Variants in INSYN2B observed in about 807,000 individuals in gnomAD.
The protein encoded by INSYN2B is protein INSYN2B.
Under a neutral mutation model 41.2 loss-of-function variants are expected in INSYN2B, and 16 were observed. That is an observed-to-expected ratio of 0.39 (90% CI 0.26 to 0.59). The LOEUF is 0.59. Among genes scored for constraint, INSYN2B ranks in the 20% least tolerant of loss-of-function variants. The pLI is 0.57. For missense variants in INSYN2B, 608 were observed against 646.4 expected, an observed-to-expected ratio of 0.94 and a Z score of 0.64; for synonymous variants, 245 against 244.4, an observed-to-expected ratio of 1.00 and a Z score of -0.02.
chr5:169,871,236 G>A (rs1771950004), intron 3 of INSYN2B, among the ~76,000 whole-genome samples: 1 of 152,116 alleles, frequency 6.6e-6, no homozygotes, highest in South Asian at 2.1e-4. Flanking sequence ...CTGATACCTA[G>A]TCCTTTGATT....
At chr5:169,957,651 G>A (rs755948242) in intron 1 of INSYN2B, among the ~76,000 whole-genome samples, 9 of 152,116 alleles carry the variant, frequency 5.9e-5, no homozygotes, top group Non-Finnish European at 7.4e-5. Flanking sequence ...GAGGCAATGC[G>A]CGAGGAAGCC....
chr5:169,865,357 A>G (rs910015495), intron 3 of INSYN2B, among the ~76,000 whole-genome samples: 1 of 152,026 alleles, frequency 6.6e-6, no homozygotes, highest in Admixed American at 6.6e-5. Flanking sequence ...GCCTGTAGGG[A>G]GTGGGTGCTG....
At chr5:169,892,577 A>T (rs561539613) in intron 1 of INSYN2B, among the ~76,000 whole-genome samples, 9 of 152,318 alleles carry the variant, frequency 5.9e-5, no homozygotes, top group Non-Finnish European at 1.3e-4. Flanking sequence ...GGCCTCTCCG[A>T]TGGATGGGCA....
At chr5:169,967,581 T>C (rs1777349935) in intron 1 of INSYN2B, among the ~76,000 whole-genome samples, 1 of 151,990 alleles carries the variant, frequency 6.6e-6, no homozygotes, top group Non-Finnish European at 1.5e-5. Context: ...GCTAAGAGGT[T>C]TGGATTTTGA....
Position 169,955,094 on chromosome 5 carries a change from C to A in INSYN2B, c.-919+25183G>T, listed in dbSNP as rs1420864230. Among the ~76,000 whole-genome samples, 4 of 152,214 alleles carry A rather than the reference C, an allele frequency of 2.6e-5. No homozygotes were observed. The East Asian group carries it at 7.7e-4, about 29-fold the overall frequency. ...CTAAGCACTTTTGTGCCCTCTGAAGCAAGGCAACCCCATAACCTTGCAGAG... is the reference window on the plus strand; with the variant it reads ...CTAAGCACTTTTGTGCCCTCTGAAGAAAGGCAACCCCATAACCTTGCAGAG... On this transcript the variant is annotated intron_variant, in intron 1 of 3. Transcript: ENST00000377365.
chr5:169,878,169 A>G (rs2113487599), intron 3 of INSYN2B, among the ~76,000 whole-genome samples: 1 of 152,290 alleles, frequency 6.6e-6, no homozygotes, highest in East Asian at 1.9e-4. Flanking sequence ...GAGTGAGGGA[A>G]GGAGGAGCAA....
intron 1 of INSYN2B, among the ~76,000 whole-genome samples, chr5:169,954,853 C>T (rs1483727171): frequency 2.6e-5 from 4 of 152,296 alleles, no homozygotes; most frequent in African/African-American, 9.6e-5. Context: ...TGTGTGTAAC[C>T]CAATGACCAA....
intron 1 of INSYN2B, among the ~76,000 whole-genome samples, chr5:169,932,867 A>AG (rs1163411669): frequency 2.6e-5 from 4 of 151,738 alleles, no homozygotes; most frequent in Non-Finnish European, 5.9e-5. Context: ...GGGCCAAATA[A>AG]AAAAAAATAA....
intron 3 of INSYN2B, among the ~76,000 whole-genome samples, chr5:169,869,707 G>A (rs981989148): frequency 6.6e-6 from 1 of 152,218 alleles, no homozygotes; most frequent in African/African-American, 2.4e-5. Context: ...CCAACTTGGT[G>A]AAAATTGAAG....
intron 1 of INSYN2B, among the ~76,000 whole-genome samples, chr5:169,909,786 G>A (rs1224172360): frequency 3.3e-5 from 5 of 152,130 alleles, no homozygotes; most frequent in Non-Finnish European, 7.4e-5. Flanking sequence ...CACTTACAAG[G>A]ATTATTATCA....
chr5:169,929,358 C>T (rs1358592252), intron 1 of INSYN2B, among the ~76,000 whole-genome samples: 7 of 152,078 alleles, frequency 4.6e-5, no homozygotes, highest in Admixed American at 2.6e-4. Context: ...GCTTTTTACA[C>T]GTAGATTTTC....
chr5:169,904,221 T>A (rs1774142640), intron 1 of INSYN2B, among the ~76,000 whole-genome samples: 2 of 152,138 alleles, frequency 1.3e-5, no homozygotes, highest in Non-Finnish European at 2.9e-5. Flanking sequence ...GCCTGATGAT[T>A]TGGTTCCCAA....
In INSYN2B at chr5:169,883,089, G is replaced by T. The variant is rs901991820; in HGVS notation, c.810C>A (p.Gly270=). 1 of 1,551,538 alleles carries T rather than the reference G, an allele frequency of 6.4e-7. No individual in the cohort carries two copies. The highest frequency in any genetic ancestry group is 8.7e-7 in the Non-Finnish European group (1 of 1,146,958). ...GCAATTCAGGTTTAAGTTCCTCTGT[G>T]CCTGGTGTGTGGCTGGCAACGCTGG... ...NATSVASHTP[G]TEELKPELLL... The change falls in exon 2 of 4, where the codon GGC becomes GGA. Residue 270 remains glycine (G), a synonymous_variant. Coordinates refer to ENST00000377365, the MANE Select transcript of INSYN2B (RefSeq NM_001129891.3).
At chr5:169,903,750 C>T (rs1030694103) in intron 1 of INSYN2B, among the ~76,000 whole-genome samples, 12 of 151,690 alleles carry the variant, frequency 7.9e-5, no homozygotes, top group Non-Finnish European at 1.2e-4. Context: ...AGCTCGGTCA[C>T]TGTAGCAGGA....
At chr5:169,909,971 T>G (rs929925769) in intron 1 of INSYN2B, among the ~76,000 whole-genome samples, 2 of 152,214 alleles carry the variant, frequency 1.3e-5, no homozygotes, top group Admixed American at 1.3e-4. Flanking sequence ...ACTCAAATTC[T>G]GCACCAGCAT....
At chr5:169,954,498 A>G (rs1776787086) in intron 1 of INSYN2B, among the ~76,000 whole-genome samples, 1 of 152,232 alleles carries the variant, frequency 6.6e-6, no homozygotes, top group Admixed American at 6.5e-5. Flanking sequence ...GGGACCAGAA[A>G]GACCTCTTGG....
chr5:169,928,996 G>A (rs970774352), intron 1 of INSYN2B, among the ~76,000 whole-genome samples: 1 of 152,138 alleles, frequency 6.6e-6, no homozygotes, highest in African/African-American at 2.4e-5. Context: ...AGGATGAGGA[G>A]GAGCTATGTG....
intron 1 of INSYN2B, among the ~76,000 whole-genome samples, chr5:169,975,802 A>G (rs952767719): frequency 3.3e-5 from 5 of 152,234 alleles, no homozygotes; most frequent in Non-Finnish European, 7.3e-5. Flanking sequence ...GGCTCTTCCC[A>G]ACGGGGATGT....
At chr5:169,905,922 G>C (rs1774249999) in intron 1 of INSYN2B, among the ~76,000 whole-genome samples, 1 of 152,216 alleles carries the variant, frequency 6.6e-6, no homozygotes, top group Non-Finnish European at 1.5e-5. Flanking sequence ...CAGCTGTCTT[G>C]AACCTGACTG....
Sources: gnomAD v4.1 joint callset for allele counts (sites outside exome capture counted in the v4.1 genomes callset) on GRCh38, gnomAD v4.1.1 for gene constraint, MANE v1.5 for transcripts, NCBI Gene and HGNC (gene_info 2026-07-23, HGNC 2026-07-21) for gene names.